Variants in CCDC171 observed in about 807,000 individuals in gnomAD.
CCDC171 encodes the protein coiled-coil domain containing 171, also known as coiled-coil domain-containing protein 171.
In CCDC171, 177 loss-of-function variants were observed where a neutral mutation model predicts 168.2. The observed-to-expected ratio is 1.05, with a 90% CI of 0.93 to 1.19. The LOEUF is 1.19. Among genes scored for constraint, CCDC171 ranks in the 50% most tolerant of loss-of-function variants. The probability of loss-of-function intolerance (pLI) is 0.00; values close to 1 mark genes in which losing one functional copy is unlikely to be tolerated. For missense variants in CCDC171, 1,991 were observed against 1,539.0 expected (o/e 1.29, Z -4.91); for synonymous variants, 687 against 540.8 (o/e 1.27, Z -3.75).
intron 10 of CCDC171, among the ~76,000 whole-genome samples, chr9:15,694,522 G>A (rs561485584): frequency 3.3e-5 from 5 of 152,220 alleles, no homozygotes; most frequent in East Asian, 1.9e-4. Context: ...TAGCCAAAAC[G>A]AGACCCTCTC....
intron 3 of CCDC171, among the ~76,000 whole-genome samples, chr9:15,994,235 A>T (rs1194732608): frequency 6.6e-6 from 1 of 152,196 alleles, no homozygotes; most frequent in East Asian, 1.9e-4. Flanking sequence ...GCCCATATAT[A>T]CCATGGCATC....
intron 2 of CCDC171, among the ~76,000 whole-genome samples, chr9:15,570,197 C>T (rs1330921831): frequency 3.9e-5 from 6 of 152,056 alleles, no homozygotes; most frequent in Non-Finnish European, 7.4e-5. Flanking sequence ...TCTTGAACTC[C>T]TGGCCTCAAG....
chr9:15,883,539 G>A (rs1818995990), intron 24 of CCDC171, among the ~76,000 whole-genome samples: 1 of 152,082 alleles, frequency 6.6e-6, no homozygotes, highest in Non-Finnish European at 1.5e-5. Context: ...TGCATCCTGG[G>A]TTGTATTTCA....
intron 3 of CCDC171, among the ~76,000 whole-genome samples, chr9:16,013,355 T>A (rs1832924643): frequency 6.6e-6 from 1 of 152,220 alleles, no homozygotes; most frequent in African/African-American, 2.4e-5. Context: ...TAGTTAGCTG[T>A]CAGATTAATA....
intron 6 of CCDC171, among the ~76,000 whole-genome samples, chr9:15,600,445 A>G (rs1216079275): frequency 6.6e-6 from 1 of 152,178 alleles, no homozygotes; most frequent in African/African-American, 2.4e-5. Flanking sequence ...AGGCTGCAGA[A>G]CAGCAGATAT....
chr9:15,938,483 C>A (rs914803288), intron 25 of CCDC171, among the ~76,000 whole-genome samples: 6 of 151,682 alleles, frequency 4.0e-5, no homozygotes, highest in Non-Finnish European at 8.8e-5. Flanking sequence ...TAAAGACTCA[C>A]AAATTCACTG....
At chr9:16,008,643 G>T (rs1564116580) in intron 3 of CCDC171, among the ~76,000 whole-genome samples, 1 of 151,898 alleles carries the variant, frequency 6.6e-6, no homozygotes, top group African/African-American at 2.4e-5. Context: ...ATTCTTTCTG[G>T]CTGCTGCCCC....
At chr9:15,581,417 C>T (rs928885759) in intron 4 of CCDC171, among the ~76,000 whole-genome samples, 3 of 152,012 alleles carry the variant, frequency 2.0e-5, no homozygotes, top group South Asian at 2.1e-4. Flanking sequence ...CTTCACAGAA[C>T]TGGAAAAAAC....
chr9:16,082,712 T>A, the CCDC171 span, among the ~76,000 whole-genome samples: 71,311 of 152,076 alleles, frequency 0.47, 19,012 homozygotes, highest in African/African-American at 0.74. Context: ...GTAACAAACA[T>A]CTTAAGAGAT....
At chr9:16,011,748 G>A (rs905305012) in intron 3 of CCDC171, among the ~76,000 whole-genome samples, 3 of 152,200 alleles carry the variant, frequency 2.0e-5, no homozygotes, top group African/African-American at 7.2e-5. Context: ...AGATATAGAC[G>A]TTGCTTTCCC....
chr9:16,027,835 G>A (rs1833303030), intron 6 of CCDC171, among the ~76,000 whole-genome samples: 1 of 152,180 alleles, frequency 6.6e-6, no homozygotes, highest in African/African-American at 2.4e-5. Context: ...TATAAGAGCT[G>A]TTGATATTAA....
At chr9:16,093,438 A>G in the CCDC171 span, among the ~76,000 whole-genome samples, 1 of 152,194 alleles carries the variant, frequency 6.6e-6, no homozygotes, top group African/African-American at 2.4e-5. Context: ...TGATTCATTT[A>G]ATACACTTCC....
chr9:16,068,596 G>A, the CCDC171 span, among the ~76,000 whole-genome samples: 4 of 152,262 alleles, frequency 2.6e-5, no homozygotes, highest in East Asian at 1.9e-4. Flanking sequence ...CTGTTGTTTC[G>A]TCGTCTGTTA....
At chr9:15,901,404 G>A (rs1821643549) in intron 24 of CCDC171, among the ~76,000 whole-genome samples, 1 of 152,140 alleles carries the variant, frequency 6.6e-6, no homozygotes, top group Non-Finnish European at 1.5e-5. Flanking sequence ...CACTTTGTAG[G>A]AGGGTATTGA....
chr9:15,861,096 C>G lies in CCDC171; in HGVS notation c.3468+12149C>G, dbSNP rs142035572. ...TTGTATGATATAAATATATCCACTC[C>G]TACTCTTTTTTGGTTACCAAATGGT... On this transcript the variant is annotated intron_variant, in intron 23 of 25. Coordinates refer to ENST00000380701, the MANE Select transcript of CCDC171 (RefSeq NM_173550.4). Among the ~76,000 whole-genome samples the G allele has an allele frequency of 2.6e-3, 401 of 151,810 alleles. 4 individuals carry two copies. Among genetic ancestry groups the G allele is most frequent in the African/African-American group, 9.0e-3 (374 of 41,372 alleles).
chr9:15,871,573 A>T (rs995803591), intron 23 of CCDC171, among the ~76,000 whole-genome samples: 2 of 151,918 alleles, frequency 1.3e-5, no homozygotes, highest in Non-Finnish European at 2.9e-5. Flanking sequence ...ATAATTTTGT[A>T]TCCAATAAGC....
intron 16 of CCDC171, among the ~76,000 whole-genome samples, chr9:15,736,681 CT>C (rs2054518328): frequency 6.6e-6 from 1 of 151,500 alleles, no homozygotes; most frequent in Non-Finnish European, 1.5e-5. Flanking sequence ...TTCTTTCTTT[CT>C]TTCTTTCTTT....
At chr9:15,726,124 C>T (rs563166728) in intron 14 of CCDC171, among the ~76,000 whole-genome samples, 12 of 152,208 alleles carry the variant, frequency 7.9e-5, no homozygotes, top group Middle Eastern at 3.4e-3. Flanking sequence ...ACATTCTTTC[C>T]ACTCTTTTTA....
intron 25 of CCDC171, among the ~76,000 whole-genome samples, chr9:15,955,992 A>G (rs1329498897): frequency 6.6e-6 from 1 of 152,198 alleles, no homozygotes; most frequent in South Asian, 2.1e-4. Flanking sequence ...ATTTAGATGA[A>G]AAATGTGGCT....
Sources: gnomAD v4.1 joint callset for allele counts (sites outside exome capture counted in the v4.1 genomes callset) on GRCh38, gnomAD v4.1.1 for gene constraint, MANE v1.5 for transcripts, NCBI Gene and HGNC (gene_info 2026-07-23, HGNC 2026-07-21) for gene names.